EDA: variants seen among roughly 807,000 people sequenced by gnomAD.
The protein encoded by EDA is ectodysplasin A.
Under a neutral mutation model 23.6 loss-of-function variants are expected in EDA, and 2 were observed. The ratio of observed to expected loss-of-function variants is 0.08; its 90% CI spans 0.03 to 0.27. The LOEUF is 0.27. EDA is among the 10% of genes least tolerant of loss of function. The pLI is 1.00. For missense variants in EDA, 229 were observed against 324.2 expected, an observed-to-expected ratio of 0.71 and a Z score of 2.26; for synonymous variants, 131 against 132.0, an observed-to-expected ratio of 0.99 and a Z score of 0.05.
At chrX:69,841,412 C>G (rs2016892311) in intron 1 of EDA, among the ~76,000 whole-genome samples, 1 of 111,874 alleles carries the variant, frequency 8.9e-6, no homozygotes, top group Admixed American at 9.5e-5. Flanking sequence ...TTTTTTGTGA[C>G]TGGGTCTCAC....
rs2020288679 is a variant in EDA, at chrX:70,038,048, TATCTCTTTCCACC to T, written c.*2442_*2454del. On this transcript the variant is annotated 3_prime_UTR_variant, in exon 8 of 8. Transcript: ENST00000374552. ...TCCCACAACTACTAGTGTGACTCCT[TATCTCTTTCCACC>T]ATACCTTAGAGACTTTGATACTACC... 9.0e-6 allele frequency: 1 copy of T among 111,448 alleles called. No individual in the cohort carries two copies. The highest frequency in any genetic ancestry group is 1.9e-5 in the Non-Finnish European group (1 of 53,112). 9.2% of individuals were successfully genotyped at this position (111,448 alleles called of 1,213,427 possible).
At chrX:70,014,523 C>T (rs917979787) in intron 2 of EDA, among the ~76,000 whole-genome samples, 3 of 111,970 alleles carry the variant, frequency 2.7e-5, no homozygotes, top group Non-Finnish European at 5.6e-5. Flanking sequence ...TTCAAAAAGC[C>T]AGAGTTCTCC....
At chrX:69,691,780 G>A (rs904873322) in intron 1 of EDA, among the ~76,000 whole-genome samples, 4 of 111,658 alleles carry the variant, frequency 3.6e-5, no homozygotes, top group Non-Finnish European at 7.5e-5. Flanking sequence ...TAGTTCAGCA[G>A]TGTTATAAAT....
chrX:70,033,025 G>A (rs766147234), intron 6 of EDA, among the ~76,000 whole-genome samples: 1 of 113,021 alleles, frequency 8.8e-6, no homozygotes, highest in South Asian at 3.7e-4. Context: ...GACCTAGCCT[G>A]CCACTCAGTG....
intron 1 of EDA, among the ~76,000 whole-genome samples, chrX:69,782,310 C>T (rs1277192053): frequency 9.7e-6 from 1 of 103,486 alleles, no homozygotes; most frequent in African/African-American, 3.7e-5. Flanking sequence ...TATTTTGGCT[C>T]CTCAGCAGTT....
chrX:69,909,327 C>T (rs1164618810), intron 1 of EDA, among the ~76,000 whole-genome samples: 1 of 112,231 alleles, frequency 8.9e-6, no homozygotes, highest in Non-Finnish European at 1.9e-5. Context: ...GACAGTGTCT[C>T]ACTCTGTTGC....
At chrX:69,667,055 A>G (rs910245810) in intron 1 of EDA, among the ~76,000 whole-genome samples, 17 of 109,667 alleles carry the variant, frequency 1.6e-4, no homozygotes, top group African/African-American at 5.3e-4. Context: ...TATTTCCTCT[A>G]GGTTATCCAA....
chrX:69,751,423 G>T (rs776162806), intron 1 of EDA, among the ~76,000 whole-genome samples: 172 of 112,141 alleles, frequency 1.5e-3, no homozygotes, highest in African/African-American at 5.0e-3. Context: ...TTTTGGTTAC[G>T]GTGGCCTTGT....
At chrX:69,627,259 G>A (rs1233947628) in intron 1 of EDA, among the ~76,000 whole-genome samples, 4 of 111,122 alleles carry the variant, frequency 3.6e-5, no homozygotes, top group Non-Finnish European at 7.6e-5. Context: ...TGTCTTCCTC[G>A]CTTTCCCTTT....
At chrX:69,810,437 G>A (rs764703220) in intron 1 of EDA, among the ~76,000 whole-genome samples, 15 of 107,001 alleles carry the variant, frequency 1.4e-4, no homozygotes, top group East Asian at 1.2e-3. Flanking sequence ...GCCTCCCTGC[G>A]GTGATTGTTG....
chrX:69,763,530 T>C (rs2014375491), intron 1 of EDA, among the ~76,000 whole-genome samples: 1 of 112,311 alleles, frequency 8.9e-6, no homozygotes, highest in Non-Finnish European at 1.9e-5. Flanking sequence ...GAATTATGCC[T>C]ACACAATGCT....
At chrX:69,761,067 A>G in intron 1 of EDA, among the ~76,000 whole-genome samples, 1 of 110,848 alleles carries the variant, frequency 9.0e-6, no homozygotes. Context: ...CAAGTTAGAG[A>G]CGAGGCTCTA....
chrX:69,855,311 A>T (rs1423366849), intron 1 of EDA, among the ~76,000 whole-genome samples: 2 of 111,938 alleles, frequency 1.8e-5, no homozygotes, highest in African/African-American at 6.5e-5. Context: ...AAGTTTAATT[A>T]GATCACATTT....
At chrX:69,671,769 A>G (rs1418339033) in intron 1 of EDA, among the ~76,000 whole-genome samples, 1 of 112,010 alleles carries the variant, frequency 8.9e-6, no homozygotes, top group East Asian at 2.8e-4. Flanking sequence ...TTCTGTCAAA[A>G]ATGTAGTCAT....
At chrX:69,776,613 G>A (rs753147021) in intron 1 of EDA, among the ~76,000 whole-genome samples, 65 of 110,846 alleles carry the variant, frequency 5.9e-4, no homozygotes, top group African/African-American at 1.5e-3. Flanking sequence ...TTAACAGCAT[G>A]AGAACAGAGT....
chrX:69,748,833 G>A (rs2520397), intron 1 of EDA, among the ~76,000 whole-genome samples: 35,539 of 110,957 alleles, frequency 0.32, 5,027 homozygotes, highest in Middle Eastern at 0.57. Flanking sequence ...TTTATAAAGT[G>A]CTTAAAACAG....
At chrX:69,675,398 C>T (rs141118680) in intron 1 of EDA, among the ~76,000 whole-genome samples, 107 of 111,619 alleles carry the variant, frequency 9.6e-4, no homozygotes, top group African/African-American at 3.3e-3. Flanking sequence ...GTATACTCAT[C>T]GTGTCTAAAA....
At chrX:69,734,442 G>A (rs771082328) in intron 1 of EDA, among the ~76,000 whole-genome samples, 7 of 111,144 alleles carry the variant, frequency 6.3e-5, no homozygotes, top group Admixed American at 1.9e-4. Flanking sequence ...ATTGATTTCC[G>A]TTTTTATTTA....
intron 1 of EDA, among the ~76,000 whole-genome samples, chrX:69,789,062 C>A (rs2015310252): frequency 8.9e-6 from 1 of 112,150 alleles, no homozygotes; most frequent in Non-Finnish European, 1.9e-5. Context: ...TTTCCAGGTG[C>A]CATCTGTCAC....
Sources: allele counts gnomAD v4.1 joint callset (sites outside exome capture counted in the v4.1 genomes callset), GRCh38; gene constraint gnomAD v4.1.1; transcripts MANE v1.5; gene names NCBI Gene and HGNC (gene_info 2026-07-23, HGNC 2026-07-21).